Variants in CPNE2 observed in about 807,000 individuals in gnomAD.
CPNE2 encodes copine 2.
In CPNE2, 42 loss-of-function variants were observed where a neutral mutation model predicts 69.7. The ratio of observed to expected loss-of-function variants is 0.60; its 90% confidence interval spans 0.47 to 0.78. The LOEUF is 0.78. Ranked by LOEUF, CPNE2 falls within the 30% of genes least tolerant of loss-of-function variation. CPNE2 has a pLI of 0.00. For missense variants in CPNE2, 587 were observed against 732.0 expected (o/e 0.80, Z 2.29); for synonymous variants, 294 against 289.8 (o/e 1.01, Z -0.15).
In CPNE2 at chr16:57,093,349, T is replaced by A. The variant is rs114022262; in HGVS notation, c.-36+559T>A. Among the ~76,000 whole-genome samples the A allele has an allele frequency of 3.0e-3, 457 of 151,992 alleles. 5 individuals carry two copies. The highest frequency in any genetic ancestry group is 0.01 in the African/African-American group (430 of 41,496). Reference sequence around the variant, plus strand: ...GTCGGAGTGTGTTTGCAAACTAGTTTTTGCGAAAAAGCTGTCTGGCACCTG... The same window carrying A: ...GTCGGAGTGTGTTTGCAAACTAGTTATTGCGAAAAAGCTGTCTGGCACCTG... On this transcript the variant is annotated intron_variant, in intron 1 of 15. Transcript: ENST00000290776.
At chr16:57,103,668 T>C (rs2069630005) in intron 1 of CPNE2, among the ~76,000 whole-genome samples, 1 of 152,190 alleles carries the variant, frequency 6.6e-6, no homozygotes, top group Admixed American at 6.5e-5. Context: ...CCTCTCTCAC[T>C]GTCCCCTCCT....
intron 10 of CPNE2, chr16:57,123,912 G>A (rs574442058): frequency 2.7e-4 from 54 of 197,112 alleles, no homozygotes; most frequent in African/African-American, 1.2e-3. Context: ...TTCTGCATTT[G>A]TTGTTCCCTC....
rs1445255672 is a variant in CPNE2 at position 57,115,532 on chromosome 16, G to A, written c.417G>A (p.Ala139=). ...RPLLLLNDKP[A]GKGLITIAAQ... ...TGCTGCTGCTGAATGACAAGCCTGCGGGGAAGGGCTTGATTACGGTACCAG... is the reference window on the plus strand; with the variant it reads ...TGCTGCTGCTGAATGACAAGCCTGCAGGGAAGGGCTTGATTACGGTACCAG... Residue 139 remains alanine, a synonymous_variant, in exon 4 of 16, where the codon GCG becomes GCA. Transcript: ENST00000290776. 1.9e-6 allele frequency: 3 copies of A among 1,611,824 alleles called. No individual in the cohort carries two copies. The highest frequency in any genetic ancestry group is 1.1e-5 in the South Asian group (1 of 90,798).
chr16:57,129,336 A>C (rs1326685199), intron 12 of CPNE2, among the ~76,000 whole-genome samples: 2 of 152,072 alleles, frequency 1.3e-5, no homozygotes, highest in African/African-American at 4.8e-5. Context: ...GGTGGAGAGA[A>C]GGGGCGAAGG....
rs561533773 is a variant in CPNE2 at position 57,146,862 on chromosome 16, G to T, written c.1539+541G>T. 4 of 160,916 alleles carry T rather than the reference G, an allele frequency of 2.5e-5. No individual in the cohort carries two copies. The East Asian group carries it at 7.6e-4, about 31-fold the overall frequency. 10.0% of individuals were successfully genotyped at this position (160,916 alleles called of 1,614,324 possible). Reference sequence around the variant, plus strand: ...CAGATCTGCCCACAAGGAGGCCGGGGTTGGCCTCCTGATCACTGCCCTAGC... The same window carrying T: ...CAGATCTGCCCACAAGGAGGCCGGGTTTGGCCTCCTGATCACTGCCCTAGC... On this transcript the variant is annotated intron_variant, in intron 15 of 15. Coordinates refer to ENST00000290776, the MANE Select transcript of CPNE2 (RefSeq NM_152727.6). The surrounding 1 kb of genome is among the most constrained non-coding windows in gnomAD (Gnocchi z 4.4).
In CPNE2 at chr16:57,147,795, C is replaced by G. The variant is rs1235857430; in HGVS notation, c.*137C>G. Reference sequence around the variant, plus strand: ...ATTTTTTACAACCGGACCTCCACCCCCAACTTCCTCCAGCCCAGCTGGGCT... The same window carrying G: ...ATTTTTTACAACCGGACCTCCACCCGCAACTTCCTCCAGCCCAGCTGGGCT... On this transcript the variant is annotated 3_prime_UTR_variant, in exon 16 of 16. Transcript: ENST00000290776. 8 of 502,942 alleles carry G rather than the reference C, an allele frequency of 1.6e-5. No individual in the cohort carries two copies. Among genetic ancestry groups the G allele is most frequent in the Admixed American group, 3.8e-5 (1 of 26,296 alleles). 31.2% of individuals were successfully genotyped at this position (502,942 alleles called of 1,614,324 possible).
intron 2 of CPNE2, among the ~76,000 whole-genome samples, chr16:57,111,205 A>G (rs1269467582): frequency 6.9e-6 from 1 of 145,658 alleles, no homozygotes; most frequent in Non-Finnish European, 1.5e-5. Flanking sequence ...TTGAGACGGA[A>G]TCTCTCTGTC....
In CPNE2 at chr16:57,093,975, C is replaced by G. The variant is rs537966946; in HGVS notation, c.-36+1185C>G. 1.9e-4 allele frequency: 87 copies of G among 452,118 alleles called. 3 individuals are homozygous for G. The highest frequency in any genetic ancestry group is 1.2e-3 in the South Asian group (74 of 63,792). The allele number at this position is 452,118 out of a possible 1,614,324, so 28.0% of individuals were successfully genotyped here. On this transcript the variant is annotated intron_variant, in intron 1 of 15. Coordinates refer to ENST00000290776, the MANE Select transcript of CPNE2 (RefSeq NM_152727.6). ...GGAACTTGGCCCAGACCCTCCCCCC[C>G]TGTGGCCCTCTGGGTCACCATCTGT...
At position 57,130,980 on chromosome 16, in the gene CPNE2, AG is replaced by A. The variant is rs1466792644; in HGVS notation, c.1116+3081del. Among the ~76,000 whole-genome samples the A allele has an allele frequency of 6.6e-6, 1 of 151,690 alleles. No homozygotes were observed. The highest frequency in any genetic ancestry group is 1.5e-5 in the Non-Finnish European group (1 of 67,928). Reference sequence around the variant, plus strand: ...CTCATAGAACCACGGGCACCAGGGGAGGGGTGGTTTGGTGGCTCAGAGATGG... The same window carrying A: ...CTCATAGAACCACGGGCACCAGGGGAGGGTGGTTTGGTGGCTCAGAGATGG... On this transcript the variant is annotated intron_variant, in intron 12 of 15. Coordinates refer to ENST00000290776, the MANE Select transcript of CPNE2 (RefSeq NM_152727.6). The surrounding 1 kb of genome is among the most constrained non-coding windows in gnomAD (Gnocchi z 4.1).
rs572722945 is a variant in CPNE2 at position 57,101,209 on chromosome 16, C to T, written c.-36+8419C>T. On this transcript the variant is annotated intron_variant, in intron 1 of 15. Transcript: ENST00000290776. ...CTACAGATTTTGGACTTTCCAGCCC[C>T]GACAATCGCATGAGCTAATTCTTGA... is the stretch of plus-strand genomic sequence containing the variant. Among the ~76,000 whole-genome samples, 5 of 152,282 alleles carry T rather than the reference C, an allele frequency of 3.3e-5. No individual in the cohort carries two copies. In the East Asian group the frequency reaches 9.6e-4, roughly 29 times the overall value.
rs1167516364 is a variant in CPNE2, at chr16:57,125,854, C to T, written c.928-6C>T. 5 of 1,614,002 alleles carry T rather than the reference C, an allele frequency of 3.1e-6. No homozygotes were observed. Among genetic ancestry groups the T allele is most frequent in the African/African-American group, 2.7e-5 (2 of 74,934 alleles). On this transcript the variant is annotated splice_region_variant and splice_polypyrimidine_tract_variant and intron_variant, in intron 10 of 15. Coordinates refer to ENST00000290776, the MANE Select transcript of CPNE2 (RefSeq NM_152727.6). ...CCACTGGGTGGCCTTTTTCTCCACTCTGCAGGTTGGAATAGACTTTACAGC... is the reference window on the plus strand; with the variant it reads ...CCACTGGGTGGCCTTTTTCTCCACTTTGCAGGTTGGAATAGACTTTACAGC...
chr16:57,119,090 C>T (rs533776285), intron 5 of CPNE2, 105 bp from the exon 6 acceptor site: 2 of 1,008,050 alleles, frequency 2.0e-6, no homozygotes, highest in East Asian at 2.4e-5. Context: ...CTGCCCACAG[C>T]TCCTATCCTG....
In CPNE2 at chr16:57,147,293, G is replaced by A. The variant is rs199724217; in HGVS notation, c.1540-258G>A. 7.4e-5 allele frequency: 27 copies of A among 364,556 alleles called. No individual in the cohort carries two copies. In the East Asian group the frequency reaches 1.0e-3, roughly 14 times the overall value. 22.6% of individuals were successfully genotyped at this position (364,556 alleles called of 1,614,324 possible). On this transcript the variant is annotated intron_variant, in intron 15 of 15. Transcript: ENST00000290776. ...CCCGCAGACGGAGTCATCCTAACCCGTTACTCCCAAGCATCTCAAGTGCTC... is the reference window on the plus strand; with the variant it reads ...CCCGCAGACGGAGTCATCCTAACCCATTACTCCCAAGCATCTCAAGTGCTC...
chr16:57,104,436 C>G (rs1567665178), intron 1 of CPNE2, among the ~76,000 whole-genome samples: 1 of 152,208 alleles, frequency 6.6e-6, no homozygotes, highest in Non-Finnish European at 1.5e-5. Context: ...AAGTAGGACA[C>G]AGTCCCTCTC....
intron 1 of CPNE2, among the ~76,000 whole-genome samples, chr16:57,097,617 T>C (rs2069585894): frequency 1.3e-5 from 2 of 152,122 alleles, no homozygotes; most frequent in Non-Finnish European, 2.9e-5. Flanking sequence ...ATGGCCCAGG[T>C]TGCATAGGGA....
chr16:57,145,609 A>G (rs2069950938), intron 14 of CPNE2: 2 of 195,020 alleles, frequency 1.0e-5, no homozygotes, highest in African/African-American at 4.8e-5. Flanking sequence ...AGAGCAGCCC[A>G]TCAGCCAGAT....
chr16:57,126,093 A>G, intron 11 of CPNE2, 100 bp downstream of exon 11: 1 of 1,441,894 alleles, frequency 6.9e-7, no homozygotes, highest in Non-Finnish European at 9.5e-7. Context: ...CATCAAATCT[A>G]GGAATGGACA....
rs78828067 is a variant in CPNE2, at chr16:57,121,286, C to T, written c.780+95C>T. On this transcript the variant is annotated intron_variant, in intron 8 of 15. Transcript: ENST00000290776. ...GTCAGGCAGCCTGGGGCTGAGATCC[C>T]CCTTCTGGCTGCATGACCTTGAGCA... The T allele has an allele frequency of 4.2e-3, 4,262 of 1,007,136 alleles. 101 individuals carry two copies. In the African/African-American group the frequency reaches 0.06, roughly 14 times the overall value. 62.4% of individuals were successfully genotyped at this position (1,007,136 alleles called of 1,614,324 possible).
chr16:57,116,821 G>A (rs1224193541), intron 4 of CPNE2, among the ~76,000 whole-genome samples: 3 of 152,182 alleles, frequency 2.0e-5, no homozygotes, highest in African/African-American at 2.4e-5. Context: ...CTTGCGCTGG[G>A]TGAGGCCATC....
Sources: allele counts gnomAD v4.1 joint callset (sites outside exome capture counted in the v4.1 genomes callset), GRCh38; gene constraint gnomAD v4.1.1; non-coding constraint Gnocchi (gnomAD v3.1); transcripts MANE v1.5; gene names NCBI Gene and HGNC (gene_info 2026-07-23, HGNC 2026-07-21).